NRG3: variants seen among roughly 807,000 people sequenced by gnomAD.
NRG3 encodes pro-neuregulin-3, membrane-bound isoform.
Under a neutral mutation model 66.9 loss-of-function variants are expected in NRG3, and 31 were observed. The ratio of observed to expected loss-of-function variants is 0.46; its 90% CI spans 0.35 to 0.63. The LOEUF (loss-of-function observed/expected upper bound fraction) is 0.63, where lower values mean the gene tolerates loss of function less well. NRG3 is among the 20% of genes least tolerant of loss of function. The pLI is 0.00. For synonymous variants in NRG3, 393 were observed against 359.4 expected (o/e 1.09, Z -1.06); for missense variants, 910 against 878.9 (o/e 1.04, Z -0.45).
chr10:82,327,327 G>C lies in NRG3; in HGVS notation c.824-31412G>C, dbSNP rs139619632. On this transcript the variant is annotated intron_variant, in intron 1 of 8. Transcript: ENST00000372141. The stretch of plus-strand genomic sequence containing the variant: ...CACTGTACTACTGGACATGGTACCA[G>C]ATTTTTCTGTGTGAAAACCTGGCTC... Among the ~76,000 whole-genome samples, 244 of 152,308 alleles carry C rather than the reference G, an allele frequency of 1.6e-3. 1 individual carries two copies. Among genetic ancestry groups the C allele is most frequent in the African/African-American group, 5.4e-3 (223 of 41,570 alleles).
chr10:82,041,980 G>A (rs756350481), intron 1 of NRG3, among the ~76,000 whole-genome samples: 2 of 152,002 alleles, frequency 1.3e-5, no homozygotes, highest in Non-Finnish European at 2.9e-5. Context: ...ACTTGATCAA[G>A]TCACATAGTA....
At chr10:82,978,789 C>T (rs1376436707) in intron 7 of NRG3, among the ~76,000 whole-genome samples, 161 bp from the exon 8 acceptor site, 1 of 152,228 alleles carries the variant, frequency 6.6e-6, no homozygotes, top group Non-Finnish European at 1.5e-5. Flanking sequence ...TTCCTGATCT[C>T]ATTCTACCAC....
Position 82,573,679 on chromosome 10 carries a change from C to G in NRG3, c.954-164898C>G, listed in dbSNP as rs2045872394. On this transcript the variant is annotated intron_variant, in intron 2 of 8. Transcript: ENST00000372141. ...TTAGAAGTATCCACAGATAAAGCAC[C>G]CTTACCTTATGGAGTTCAAAGGCTA... Among the ~76,000 whole-genome samples, 3 of 151,788 alleles carry G rather than the reference C, an allele frequency of 2.0e-5. No homozygotes were observed. The South Asian group carries it at 6.2e-4, about 32-fold the overall frequency.
chr10:82,385,491 G>A (rs1380068493), intron 2 of NRG3, among the ~76,000 whole-genome samples: 1 of 152,082 alleles, frequency 6.6e-6, no homozygotes, highest in African/African-American at 2.4e-5. Context: ...ATATTCACTG[G>A]TAGGCAGGTC....
chr10:81,939,686 A>C (rs1399803886), intron 1 of NRG3, among the ~76,000 whole-genome samples: 2 of 129,366 alleles, frequency 1.5e-5, no homozygotes, highest in East Asian at 5.0e-4. Flanking sequence ...AGGGTGTGTC[A>C]CTTTTGTTGA....
intron 2 of NRG3, among the ~76,000 whole-genome samples, chr10:82,559,651 T>C (rs1370190167): frequency 6.6e-6 from 1 of 152,226 alleles, no homozygotes; most frequent in Non-Finnish European, 1.5e-5. Flanking sequence ...TTCCTTCATA[T>C]TTGTATGGCA....
chr10:81,971,091 G>A (rs2059916890), intron 1 of NRG3, among the ~76,000 whole-genome samples: 1 of 152,158 alleles, frequency 6.6e-6, no homozygotes, highest in South Asian at 2.1e-4. Context: ...AGTGAGCTGA[G>A]ATTGTGCCAT....
At chr10:82,433,167 T>C (rs1037368451) in intron 2 of NRG3, among the ~76,000 whole-genome samples, 1 of 152,234 alleles carries the variant, frequency 6.6e-6, no homozygotes, top group African/African-American at 2.4e-5. Context: ...TTGACTGGTG[T>C]GAGATGGTAT....
At chr10:82,378,228 A>G (rs998292786) in intron 2 of NRG3, among the ~76,000 whole-genome samples, 3 of 152,230 alleles carry the variant, frequency 2.0e-5, no homozygotes, top group Admixed American at 1.3e-4. Flanking sequence ...AAAGTTACAG[A>G]GGGAAAGCAT....
At chr10:82,060,559 G>C (rs371930360) in intron 1 of NRG3, among the ~76,000 whole-genome samples, 2 of 152,152 alleles carry the variant, frequency 1.3e-5, no homozygotes, top group East Asian at 3.8e-4. Context: ...TCAAGAATGT[G>C]CTTTAATTTT....
chr10:82,172,277 T>G (rs565833741), intron 1 of NRG3, among the ~76,000 whole-genome samples: 1 of 152,268 alleles, frequency 6.6e-6, no homozygotes, highest in African/African-American at 2.4e-5. Flanking sequence ...AAGTCAAGTC[T>G]ACTGAAGTGG....
intron 2 of NRG3, among the ~76,000 whole-genome samples, chr10:82,504,856 A>G (rs1217903979): frequency 6.6e-6 from 1 of 151,580 alleles, no homozygotes; most frequent in Non-Finnish European, 1.5e-5. Context: ...CCCTCTATAC[A>G]TCACACTTTT....
intron 2 of NRG3, among the ~76,000 whole-genome samples, chr10:82,729,804 A>G (rs2057798145): frequency 6.6e-6 from 1 of 152,234 alleles, no homozygotes; most frequent in Non-Finnish European, 1.5e-5. Context: ...GCTGCTGGAC[A>G]CAAGTCCCTG....
chr10:82,417,338 G>A (rs1025753735), intron 2 of NRG3, among the ~76,000 whole-genome samples: 8 of 152,194 alleles, frequency 5.3e-5, no homozygotes, highest in Non-Finnish European at 1.0e-4. Context: ...AATGGAAGAA[G>A]AGAATAGTAT....
At chr10:82,985,007 T>TGGTGCA in intron 8 of NRG3, 91 bp from the exon 9 acceptor site, 1 of 1,451,188 alleles carries the variant, frequency 6.9e-7, no homozygotes, top group Admixed American at 1.8e-5. Flanking sequence ...TTCAGTGAGA[T>TGGTGCA]GGTGCATGTG....
At chr10:82,393,746 G>A (rs182643388) in intron 2 of NRG3, among the ~76,000 whole-genome samples, 136 of 152,264 alleles carry the variant, frequency 8.9e-4, no homozygotes, top group South Asian at 6.6e-3. Flanking sequence ...TGCTCCTGGC[G>A]TAGATGTGGG....
intron 4 of NRG3, among the ~76,000 whole-genome samples, chr10:82,924,763 T>C (rs1846814375): frequency 1.3e-5 from 2 of 152,126 alleles, no homozygotes; most frequent in Non-Finnish European, 2.9e-5. Flanking sequence ...AATGATCCTC[T>C]GCATTTTGAT....
rs1591210169 is a variant in NRG3, at chr10:82,697,034, T to C, written c.954-41543T>C. 3.3e-5 allele frequency among the ~76,000 whole-genome samples: 5 copies of C among 152,342 alleles called. No homozygotes were observed. In the South Asian group the frequency reaches 1.0e-3, roughly 32 times the overall value. The stretch of plus-strand genomic sequence containing the variant: ...GTTTCTCTCTCTTCTGAACTGAGAC[T>C]TTCAAATATTATGGTACAACTATCA... On this transcript the variant is annotated intron_variant, in intron 2 of 8. Transcript: ENST00000372141.
intron 2 of NRG3, among the ~76,000 whole-genome samples, chr10:82,544,142 AGAT>A (rs2043735529): frequency 6.6e-6 from 1 of 152,210 alleles, no homozygotes; most frequent in South Asian, 2.1e-4. Flanking sequence ...AGAATACATG[AGAT>A]GATGAGTTAA....
Sources: allele counts gnomAD v4.1 joint callset (sites outside exome capture counted in the v4.1 genomes callset), GRCh38; gene constraint gnomAD v4.1.1; transcripts MANE v1.5; gene names NCBI Gene and HGNC (gene_info 2026-07-23, HGNC 2026-07-21).